Variants in GRM3 observed in about 807,000 individuals in gnomAD.
The protein encoded by GRM3 is metabotropic glutamate receptor 3.
In GRM3, 26 loss-of-function variants were observed where a neutral mutation model predicts 70.5. The ratio of observed to expected loss-of-function variants is 0.37; its 90% CI spans 0.27 to 0.51. GRM3 has a LOEUF of 0.51. Ranked by LOEUF, GRM3 falls within the 20% of genes least tolerant of loss-of-function variation. The pLI is 0.93. For missense variants in GRM3, 859 were observed against 1,123.8 expected, an observed-to-expected ratio of 0.76 and a Z score of 3.37; for synonymous variants, 443 against 434.9, an observed-to-expected ratio of 1.02 and a Z score of -0.23.
chr7:86,660,402 A>G (rs994403948), intron 1 of GRM3, among the ~76,000 whole-genome samples: 3 of 152,038 alleles, frequency 2.0e-5, no homozygotes, highest in African/African-American at 7.2e-5. Flanking sequence ...TTAACACCAC[A>G]TGGGCTCATT....
intron 1 of GRM3, among the ~76,000 whole-genome samples, chr7:86,648,180 T>C (rs116545695): frequency 0.013 from 2,017 of 150,174 alleles, 40 homozygotes; most frequent in African/African-American, 0.047. Context: ...TGCACACTTA[T>C]ATATGTGTAT....
intron 2 of GRM3, among the ~76,000 whole-genome samples, chr7:86,783,857 A>G (rs547979962): frequency 4.3e-4 from 66 of 152,332 alleles, no homozygotes; most frequent in Non-Finnish European, 7.5e-4. Flanking sequence ...ACCCCATGCT[A>G]TTCAATATAG....
rs1798517660 is a variant in GRM3 at position 86,839,337 on chromosome 7, A to C, written c.1823A>C (p.Lys608Thr). 6.2e-7 allele frequency: 1 copy of C among 1,613,906 alleles called. No homozygotes were observed. Among genetic ancestry groups the C allele is most frequent in the Admixed American group, 1.7e-5 (1 of 59,988 alleles). Reference sequence around the variant, plus strand: ...AAGCACAACAACACACCCTTGGTCAAAGCATCGGGCCGAGAACTCTGCTAC... The same window carrying C: ...AAGCACAACAACACACCCTTGGTCACAGCATCGGGCCGAGAACTCTGCTAC... ...FIKHNNTPLV[K>T]ASGRELCYIL... Residue 608 changes from lysine (K) to threonine (T), a missense_variant, in exon 4 of 6, where the codon AAA (lysine) becomes ACA (threonine). By Grantham distance (78) the Lys-to-Thr change is moderately conservative. Transcript: ENST00000361669. The surrounding 1 kb of genome is among the most constrained non-coding windows in gnomAD (Gnocchi z 4.5).
intron 1 of GRM3, among the ~76,000 whole-genome samples, chr7:86,650,282 GA>G (rs1239604007): frequency 6.6e-6 from 1 of 152,040 alleles, no homozygotes; most frequent in Admixed American, 6.5e-5. Flanking sequence ...GCTGCAACTG[GA>G]ATTCAAAACC....
chr7:86,772,794 T>C lies in GRM3; in HGVS notation c.468+7181T>C, dbSNP rs1233255743. On this transcript the variant is annotated intron_variant, in intron 2 of 5. Transcript: ENST00000361669. The stretch of plus-strand genomic sequence containing the variant: ...ATCACCAGTATCTCTATCACTAGAA[T>C]AGTAAAAATGATAGTTGCATTTAGG... Among the ~76,000 whole-genome samples, 3 of 152,088 alleles carry C rather than the reference T, an allele frequency of 2.0e-5. No homozygotes were observed. The East Asian group carries it at 5.8e-4, about 29-fold the overall frequency.
intron 5 of GRM3, among the ~76,000 whole-genome samples, chr7:86,857,487 G>A (rs1376267718): frequency 6.6e-6 from 1 of 152,208 alleles, no homozygotes; most frequent in Non-Finnish European, 1.5e-5. Flanking sequence ...AGCAGCCAAA[G>A]AGATCATTTA....
intron 1 of GRM3, among the ~76,000 whole-genome samples, chr7:86,678,007 G>T (rs1275125296): frequency 6.6e-6 from 1 of 151,826 alleles, no homozygotes; most frequent in African/African-American, 2.4e-5. Flanking sequence ...AAAGTATTTT[G>T]AAATAATTAA....
intron 1 of GRM3, among the ~76,000 whole-genome samples, chr7:86,678,474 A>ACTTT (rs1794360929): frequency 6.6e-6 from 1 of 152,092 alleles, no homozygotes; most frequent in African/African-American, 2.4e-5. Context: ...TCACATTGGA[A>ACTTT]GTAGAACACA....
intron 2 of GRM3, among the ~76,000 whole-genome samples, chr7:86,778,081 A>T (rs1796941230): frequency 6.6e-6 from 1 of 152,220 alleles, no homozygotes; most frequent in South Asian, 2.1e-4. Context: ...GTGTAGACTT[A>T]TTCTTAGAAA....
chr7:86,718,392 A>G (rs918923354), intron 1 of GRM3, among the ~76,000 whole-genome samples: 2 of 151,946 alleles, frequency 1.3e-5, no homozygotes, highest in Non-Finnish European at 2.9e-5. Flanking sequence ...AATAAGAATG[A>G]TACATGTTGT....
intron 1 of GRM3, among the ~76,000 whole-genome samples, chr7:86,716,239 GA>G (rs1172811982): frequency 7.9e-5 from 12 of 151,376 alleles, no homozygotes; most frequent in Middle Eastern, 3.4e-3. Context: ...ATGATGTAAA[GA>G]AAAAAAATAA....
At position 86,839,761 on chromosome 7, in the gene GRM3, C is replaced by T; in HGVS notation, c.2247C>T (p.Ile749=). The change falls in exon 4 of 6, where the codon ATC becomes ATT. Residue 749 remains isoleucine, a synonymous_variant. Coordinates refer to ENST00000361669, the MANE Select transcript of GRM3 (RefSeq NM_000840.3). The surrounding 1 kb of genome is among the most constrained non-coding windows in gnomAD (Gnocchi z 4.5). ...TTACCTACGATGTGATCCTGGTGATCTTATGCACTGTGTACGCCTTCAAAA... is the reference window on the plus strand; with the variant it reads ...TTACCTACGATGTGATCCTGGTGATTTTATGCACTGTGTACGCCTTCAAAA... ...ISLTYDVILV[I]LCTVYAFKTR... 1 of 1,614,006 alleles carries T rather than the reference C, an allele frequency of 6.2e-7. No homozygotes were observed. Among genetic ancestry groups the T allele is most frequent in the Non-Finnish European group, 8.5e-7 (1 of 1,179,882 alleles).
At chr7:86,785,055 C>A (rs1797189318) in intron 2 of GRM3, among the ~76,000 whole-genome samples, 1 of 152,204 alleles carries the variant, frequency 6.6e-6, no homozygotes, top group Admixed American at 6.5e-5. Context: ...TCAAGCTGTG[C>A]TTGCTACATG....
At chr7:86,717,583 CAATAAAA>C (rs1375276672) in intron 1 of GRM3, among the ~76,000 whole-genome samples, 6 of 151,802 alleles carry the variant, frequency 4.0e-5, no homozygotes, top group African/African-American at 1.5e-4. Flanking sequence ...AAATAATAAA[CAATAAAA>C]AAGTATCAAA....
chr7:86,783,403 G>A (rs1797129552), intron 2 of GRM3, among the ~76,000 whole-genome samples: 1 of 152,088 alleles, frequency 6.6e-6, no homozygotes, highest in Non-Finnish European at 1.5e-5. Flanking sequence ...CTAACCATAT[G>A]GCTATGAACA....
chr7:86,656,114 G>T (rs965259143), intron 1 of GRM3, among the ~76,000 whole-genome samples: 1 of 151,970 alleles, frequency 6.6e-6, no homozygotes, highest in African/African-American at 2.4e-5. Flanking sequence ...AAAATTCTTA[G>T]CATGTGGGCC....
At position 86,765,487 on chromosome 7, in the gene GRM3, G is replaced by A; in HGVS notation, c.342G>A (p.Arg114=). Residue 114 remains arginine (R), a synonymous_variant, in exon 2 of 6, where the codon AGG becomes AGA. Transcript: ENST00000361669. Reference sequence around the variant, plus strand: ...TGGAGCAATCACTGGAGTTTGTCAGGGCATCTTTGACAAAAGTGGATGAAG... The same window carrying A: ...TGGAGCAATCACTGGAGTTTGTCAGAGCATCTTTGACAAAAGTGGATGAAG... ...YALEQSLEFV[R]ASLTKVDEAE... 1 of 1,613,856 alleles carries A rather than the reference G, an allele frequency of 6.2e-7. No individual in the cohort carries two copies.
At chr7:86,775,501 A>G (rs569420585) in intron 2 of GRM3, among the ~76,000 whole-genome samples, 29 of 152,228 alleles carry the variant, frequency 1.9e-4, no homozygotes, top group Non-Finnish European at 3.7e-4. Context: ...TCCCTGATTC[A>G]TTCCTTTCAA....
At chr7:86,788,963 C>T (rs1295204232) in intron 3 of GRM3, among the ~76,000 whole-genome samples, 2 of 152,098 alleles carry the variant, frequency 1.3e-5, no homozygotes, top group African/African-American at 2.4e-5. Context: ...TTTTATGGAA[C>T]CAAAACATGT....
Sources: gnomAD v4.1 joint callset for allele counts (sites outside exome capture counted in the v4.1 genomes callset) on GRCh38, gnomAD v4.1.1 for gene constraint, Gnocchi (gnomAD v3.1) non-coding constraint, MANE v1.5 for transcripts, NCBI Gene and HGNC (gene_info 2026-07-23, HGNC 2026-07-21) for gene names.